Variants in HTR4 observed in about 807,000 individuals in gnomAD.
HTR4 encodes 5-hydroxytryptamine receptor 4, also known as 5-hydroxytryptamine (serotonin) receptor 4, G protein-coupled.
HTR4 carries 16 observed loss-of-function variants against 36.8 expected under a neutral mutation model. The observed-to-expected ratio is 0.43, with a 90% CI of 0.29 to 0.66. HTR4 has a LOEUF of 0.66. HTR4 is among the 30% of genes least tolerant of loss of function. HTR4 has a pLI of 0.13. For missense variants in HTR4, 438 were observed against 490.9 expected, an observed-to-expected ratio of 0.89 and a Z score of 1.02; for synonymous variants, 189 against 185.1, an observed-to-expected ratio of 1.02 and a Z score of -0.17.
intron 2 of HTR4, among the ~76,000 whole-genome samples, chr5:148,604,348 A>T (rs1446912869): frequency 6.6e-6 from 1 of 152,138 alleles, no homozygotes; most frequent in Non-Finnish European, 1.5e-5. Context: ...TGAACAAAAG[A>T]CTTGAACAAA....
intron 2 of HTR4, among the ~76,000 whole-genome samples, chr5:148,610,731 G>A (rs1752389993): frequency 6.6e-6 from 1 of 150,446 alleles, no homozygotes; most frequent in South Asian, 2.1e-4. Context: ...ATTACTCTGA[G>A]CTACGGGAGG....
rs374673813 is a variant in HTR4, at chr5:148,527,594, G to A, written c.354-4248C>T. 5.3e-5 allele frequency among the ~76,000 whole-genome samples: 8 copies of A among 152,298 alleles called. No homozygotes were observed. The East Asian group carries it at 1.5e-3, about 29-fold the overall frequency. ...CAACTTAAAGGAGGATACTGTGAATGTAGTACACATTTTACCAATCCCTTA... is the reference window on the plus strand; with the variant it reads ...CAACTTAAAGGAGGATACTGTGAATATAGTACACATTTTACCAATCCCTTA... On this transcript the variant is annotated intron_variant, in intron 4 of 6. Coordinates refer to ENST00000377888, the MANE Select transcript of HTR4 (RefSeq NM_000870.7).
chr5:148,609,646 C>T (rs1255672899), intron 2 of HTR4, among the ~76,000 whole-genome samples: 2 of 150,872 alleles, frequency 1.3e-5, no homozygotes, highest in South Asian at 2.1e-4. Flanking sequence ...GCTCACTGCA[C>T]GCTCTGCCTC....
At chr5:148,651,189 G>A (rs1754023336) in intron 1 of HTR4, among the ~76,000 whole-genome samples, 1 of 152,178 alleles carries the variant, frequency 6.6e-6, no homozygotes, top group Non-Finnish European at 1.5e-5. Flanking sequence ...TCAAGGTCTA[G>A]ATTAATGTGG....
At chr5:148,500,663 G>A (rs1756895298) in intron 6 of HTR4, among the ~76,000 whole-genome samples, 1 of 151,612 alleles carries the variant, frequency 6.6e-6, no homozygotes, top group South Asian at 2.1e-4. Flanking sequence ...AAATTAATAA[G>A]AAAAATACAA....
intron 2 of HTR4, among the ~76,000 whole-genome samples, chr5:148,617,962 C>T (rs1055525713): frequency 5.9e-5 from 9 of 152,184 alleles, no homozygotes; most frequent in African/African-American, 1.9e-4. Context: ...CAAGGCTTAG[C>T]TTCACTCCCA....
intron 4 of HTR4, among the ~76,000 whole-genome samples, chr5:148,527,300 G>C (rs534122424): frequency 5.8e-4 from 89 of 152,212 alleles, no homozygotes; most frequent in Non-Finnish European, 6.5e-4. Context: ...AGAGGGTTAT[G>C]TTGGGAAAAT....
chr5:148,559,636 C>T lies in HTR4; in HGVS notation c.27-9374G>A, dbSNP rs115504790. 8.4e-3 allele frequency among the ~76,000 whole-genome samples: 1,280 copies of T among 152,204 alleles called. 15 individuals carry two copies. Among genetic ancestry groups the T allele is most frequent in the African/African-American group, 0.029 (1,187 of 41,528 alleles). ...CCAGACCATGTGTAACAATAAAACTCCGATGGACAATCTCTGGCAGCCAGC... is the reference window on the plus strand; with the variant it reads ...CCAGACCATGTGTAACAATAAAACTTCGATGGACAATCTCTGGCAGCCAGC... On this transcript the variant is annotated intron_variant, in intron 2 of 6. Coordinates refer to ENST00000377888, the MANE Select transcript of HTR4 (RefSeq NM_000870.7).
In HTR4 at chr5:148,466,499, C is replaced by T. The variant is rs1046263278; in HGVS notation, c.1077-15227G>A. On this transcript the variant is annotated intron_variant, in intron 5 of 5. Coordinates refer to the HTR4 transcript ENST00000521530. ...ATTACAGACCTTTTGGGGAAAGGAG[C>T]CATGACGTACTCATTCAGCACAGTT... Among the ~76,000 whole-genome samples, 7 of 152,070 alleles carry T rather than the reference C, an allele frequency of 4.6e-5. 1 individual carries two copies. Among genetic ancestry groups the T allele is most frequent in the African/African-American group, 1.7e-4 (7 of 41,358 alleles).
intron 2 of HTR4, among the ~76,000 whole-genome samples, chr5:148,592,294 T>A (rs944100181): frequency 6.6e-6 from 1 of 152,112 alleles, no homozygotes; most frequent in Non-Finnish European, 1.5e-5. Context: ...CTGGGCTTAA[T>A]TACTAGGTGA....
At position 148,597,842 on chromosome 5, in the gene HTR4, G is replaced by T. The variant is rs150631872; in HGVS notation, c.26+39147C>A. Among the ~76,000 whole-genome samples, 245 of 152,284 alleles carry T rather than the reference G, an allele frequency of 1.6e-3. 1 individual carries two copies. Among genetic ancestry groups the T allele is most frequent in the African/African-American group, 5.4e-3 (226 of 41,556 alleles). ...GCTTATCGCCTTCACTATATCACCAGATCAGTGAGAACAAGTACCTCCTAC... is the reference window on the plus strand; with the variant it reads ...GCTTATCGCCTTCACTATATCACCATATCAGTGAGAACAAGTACCTCCTAC... On this transcript the variant is annotated intron_variant, in intron 2 of 6. Transcript: ENST00000377888.
intron 1 of HTR4, among the ~76,000 whole-genome samples, chr5:148,640,028 T>C (rs1440523388): frequency 2.0e-5 from 3 of 152,132 alleles, no homozygotes; most frequent in Non-Finnish European, 2.9e-5. Context: ...CTCCATCCTA[T>C]AGATGAAGAG....
intron 5 of HTR4, among the ~76,000 whole-genome samples, chr5:148,516,964 C>T (rs1167850961): frequency 6.6e-6 from 1 of 152,156 alleles, no homozygotes; most frequent in African/African-American, 2.4e-5. Context: ...TCAGTAAAGG[C>T]CCCAAAGGAA....
chr5:148,501,670 TA>T (rs1489009200), intron 6 of HTR4, among the ~76,000 whole-genome samples: 1 of 152,210 alleles, frequency 6.6e-6, no homozygotes, highest in African/African-American at 2.4e-5. Flanking sequence ...ATTTAACCTC[TA>T]GCAGATGCAG....
rs184143327 is a variant in HTR4, at chr5:148,512,173, G to A, written c.508-2149C>T. Reference sequence around the variant, plus strand: ...AGCTGTATCTTCAGTTTCAATCTGAGTAAGTCACCTCAAACTCTCAGTGTG... The same window carrying A: ...AGCTGTATCTTCAGTTTCAATCTGAATAAGTCACCTCAAACTCTCAGTGTG... On this transcript the variant is annotated intron_variant, in intron 5 of 6. Coordinates refer to ENST00000377888, the MANE Select transcript of HTR4 (RefSeq NM_000870.7). Among the ~76,000 whole-genome samples, 1,104 of 152,298 alleles carry A rather than the reference G, an allele frequency of 7.2e-3. 11 individuals are homozygous for A. Among genetic ancestry groups the A allele is most frequent in the Middle Eastern group, 0.027 (8 of 294 alleles).
At chr5:148,541,047 A>G (rs1759095261) in intron 4 of HTR4, among the ~76,000 whole-genome samples, 1 of 152,242 alleles carries the variant, frequency 6.6e-6, no homozygotes, top group Non-Finnish European at 1.5e-5. Context: ...TATTAACTGA[A>G]CAATAAACAC....
chr5:148,575,776 C>CATATT (rs1760872686), intron 2 of HTR4, among the ~76,000 whole-genome samples: 1 of 151,874 alleles, frequency 6.6e-6, no homozygotes, highest in Non-Finnish European at 1.5e-5. Flanking sequence ...ACATTTCGCA[C>CATATT]ATATAATGAG....
intron 5 of HTR4, among the ~76,000 whole-genome samples, chr5:148,519,168 T>A (rs557707738): frequency 3.9e-5 from 6 of 152,312 alleles, no homozygotes; most frequent in African/African-American, 1.2e-4. Context: ...ATAGTAATAT[T>A]GTGTTGGTTA....
intron 4 of HTR4, among the ~76,000 whole-genome samples, chr5:148,544,218 A>G (rs1759257761): frequency 6.6e-6 from 1 of 151,960 alleles, no homozygotes. Flanking sequence ...GTGAAAATTC[A>G]TTCATGATCT....
Sources: allele counts gnomAD v4.1 joint callset (sites outside exome capture counted in the v4.1 genomes callset), GRCh38; gene constraint gnomAD v4.1.1; transcripts MANE v1.5; gene names NCBI Gene and HGNC (gene_info 2026-07-23, HGNC 2026-07-21).